The following ADGRL2 variants were observed in gnomAD, a reference collection of about 807,000 sequenced individuals.
ADGRL2 encodes the protein adhesion G protein-coupled receptor L2.
A neutral mutation model predicts 157.4 loss-of-function variants in ADGRL2; 44 were observed. That is an observed-to-expected ratio of 0.28 (90% CI 0.22 to 0.36). ADGRL2 has a LOEUF of 0.36. Among genes scored for constraint, ADGRL2 ranks in the 10% least tolerant of loss-of-function variants. The pLI, the probability that ADGRL2 is intolerant of heterozygous loss-of-function variation, is 1.00. For missense variants in ADGRL2, 1,510 were observed against 1,768.9 expected (o/e 0.85, Z 2.63); for synonymous variants, 585 against 624.7 (o/e 0.94, Z 0.95).
At chr1:81,766,786 C>A (rs1355052862) in intron 2 of ADGRL2, among the ~76,000 whole-genome samples, 2 of 139,362 alleles carry the variant, frequency 1.4e-5, no homozygotes, top group Admixed American at 7.9e-5. Context: ...GCGGAGATTG[C>A]ACCATTGCAC....
chr1:81,540,814 A>T (rs944218456), intron 2 of ADGRL2, among the ~76,000 whole-genome samples: 1 of 152,204 alleles, frequency 6.6e-6, no homozygotes, highest in Non-Finnish European at 1.5e-5. Context: ...TCAGTCTAAC[A>T]TCACTTTTGC....
chr1:81,719,481 TA>T (rs2084225504), intron 1 of ADGRL2, among the ~76,000 whole-genome samples: 1 of 152,252 alleles, frequency 6.6e-6, no homozygotes, highest in Non-Finnish European at 1.5e-5. Flanking sequence ...CAATCCCAAG[TA>T]ATTTCTCTGT....
intron 15 of ADGRL2, among the ~76,000 whole-genome samples, chr1:81,969,888 C>T (rs1658207345): frequency 6.6e-6 from 1 of 151,816 alleles, no homozygotes; most frequent in African/African-American, 2.4e-5. Flanking sequence ...GTCATTAAAG[C>T]AAAATTTTAA....
intron 3 of ADGRL2, among the ~76,000 whole-genome samples, chr1:81,927,162 A>G (rs2095126574): frequency 1.3e-5 from 2 of 151,978 alleles, no homozygotes; most frequent in Admixed American, 6.6e-5. Context: ...ACTGAAAAAA[A>G]GCACGACAAC....
At chr1:81,675,108 C>T (rs548998420) in intron 3 of ADGRL2, among the ~76,000 whole-genome samples, 20 of 152,024 alleles carry the variant, frequency 1.3e-4, no homozygotes, top group Non-Finnish European at 2.2e-4. Context: ...CACACTGAAA[C>T]GAAATAACAT....
chr1:81,720,336 A>T (rs986803741), intron 1 of ADGRL2, among the ~76,000 whole-genome samples: 4 of 151,822 alleles, frequency 2.6e-5, no homozygotes, highest in African/African-American at 7.3e-5. Flanking sequence ...CGCCTGGCTA[A>T]TTTTTGTATT....
intron 3 of ADGRL2, among the ~76,000 whole-genome samples, chr1:81,606,032 A>C (rs2081425346): frequency 6.6e-6 from 1 of 152,182 alleles, no homozygotes; most frequent in Admixed American, 6.5e-5. Context: ...TTTTTTAACA[A>C]GTACTACACT....
At chr1:81,590,653 C>G (rs557535216) in intron 3 of ADGRL2, among the ~76,000 whole-genome samples, 1 of 152,290 alleles carries the variant, frequency 6.6e-6, no homozygotes, top group East Asian at 1.9e-4. Context: ...GTCCTCCAAG[C>G]TCTCCTAAGG....
At chr1:81,846,511 G>A (rs952895703) in intron 2 of ADGRL2, among the ~76,000 whole-genome samples, 6 of 151,520 alleles carry the variant, frequency 4.0e-5, no homozygotes, top group East Asian at 3.9e-4. Flanking sequence ...GAAGGGATTC[G>A]TATGAAGCCT....
intron 2 of ADGRL2, among the ~76,000 whole-genome samples, chr1:81,464,369 C>T (rs1307250611): frequency 6.6e-6 from 1 of 152,068 alleles, no homozygotes; most frequent in Non-Finnish European, 1.5e-5. Flanking sequence ...ATCTGAGTAT[C>T]TGGGCAGCCT....
chr1:81,381,168 A>T (rs993811390), intron 1 of ADGRL2, among the ~76,000 whole-genome samples: 1 of 152,022 alleles, frequency 6.6e-6, no homozygotes, highest in African/African-American at 2.4e-5. Flanking sequence ...TTGTATTTCT[A>T]GCTTTATATT....
intron 2 of ADGRL2, among the ~76,000 whole-genome samples, chr1:81,886,551 C>T (rs2094133890): frequency 6.6e-6 from 1 of 152,156 alleles, no homozygotes; most frequent in African/African-American, 2.4e-5. Context: ...AACGAAAGTT[C>T]ACCTTCTTAG....
At chr1:81,362,868 T>C (rs902429148) in intron 1 of ADGRL2, among the ~76,000 whole-genome samples, 2 of 152,024 alleles carry the variant, frequency 1.3e-5, no homozygotes, top group African/African-American at 2.4e-5. Context: ...ATTCCTAACA[T>C]CTTAAACATG....
chr1:81,552,259 C>G (rs1026532330), intron 2 of ADGRL2, among the ~76,000 whole-genome samples: 7 of 151,994 alleles, frequency 4.6e-5, no homozygotes, highest in African/African-American at 1.7e-4. Context: ...TAGATAAACT[C>G]CTGAATTGTT....
intron 1 of ADGRL2, among the ~76,000 whole-genome samples, chr1:81,723,977 C>A (rs1308956761): frequency 6.6e-6 from 1 of 151,996 alleles, no homozygotes; most frequent in African/African-American, 2.4e-5. Flanking sequence ...CTTTCCTAGT[C>A]AAAAAATGCG....
At chr1:81,705,887 A>C (rs1167503262) in intron 1 of ADGRL2, among the ~76,000 whole-genome samples, 1 of 151,838 alleles carries the variant, frequency 6.6e-6, no homozygotes, top group Non-Finnish European at 1.5e-5. Flanking sequence ...CTCCAGCCTA[A>C]GAGACAGAGC....
chr1:81,976,877 G>A (rs1011118750), intron 17 of ADGRL2, among the ~76,000 whole-genome samples: 2 of 151,802 alleles, frequency 1.3e-5, no homozygotes, highest in African/African-American at 4.8e-5. Context: ...ACATAAATAG[G>A]ATTTCTTTGA....
intron 1 of ADGRL2, among the ~76,000 whole-genome samples, chr1:81,803,353 G>C (rs1409364068): frequency 6.6e-6 from 1 of 152,006 alleles, no homozygotes; most frequent in Non-Finnish European, 1.5e-5. Flanking sequence ...TGTTCCTTTC[G>C]CCAGACTGCG....
chr1:81,922,395 C>A (rs1312077070), intron 3 of ADGRL2, among the ~76,000 whole-genome samples: 1 of 152,018 alleles, frequency 6.6e-6, no homozygotes, highest in Non-Finnish European at 1.5e-5. Context: ...TTATATATAT[C>A]TCAAAAATTA....
Sources: gnomAD v4.1 joint callset for allele counts (sites outside exome capture counted in the v4.1 genomes callset) on GRCh38, gnomAD v4.1.1 for gene constraint, MANE v1.5 for transcripts, NCBI Gene and HGNC (gene_info 2026-07-23, HGNC 2026-07-21) for gene names.